The following KLF3 variants were observed in gnomAD, a reference collection of about 807,000 sequenced individuals.
KLF3 encodes the protein Krueppel-like factor 3.
A neutral mutation model predicts 32.7 loss-of-function variants in KLF3; 6 were observed. That is an observed-to-expected ratio of 0.18 (90% CI 0.10 to 0.36). KLF3 has a LOEUF of 0.36. Among genes scored for constraint, KLF3 ranks in the 10% least tolerant of loss-of-function variants. KLF3 has a pLI of 1.00. For synonymous variants in KLF3, 145 were observed against 172.8 expected, an observed-to-expected ratio of 0.84 and a Z score of 1.26; for missense variants, 338 against 449.7, an observed-to-expected ratio of 0.75 and a Z score of 2.25.
chr4:38,693,108 ATATATATAC>A (rs1722929740), intron 4 of KLF3, among the ~76,000 whole-genome samples: 5 of 47,292 alleles, frequency 1.1e-4, no homozygotes, highest in African/African-American at 4.1e-4. Context: ...ATATATGTAC[ATATATATAC>A]ATATATATAT....
At chr4:38,685,977 C>T (rs1722683894) in intron 2 of KLF3, among the ~76,000 whole-genome samples, 1 of 152,112 alleles carries the variant, frequency 6.6e-6, no homozygotes, top group Non-Finnish European at 1.5e-5. Context: ...CTATTTAATA[C>T]TTAATGTTGC....
intron 4 of KLF3, 37 bp downstream of exon 4, chr4:38,689,916 A>G: frequency 6.7e-7 from 1 of 1,489,750 alleles, no homozygotes; most frequent in Non-Finnish European, 9.0e-7. Context: ...TTTGCATAGT[A>G]GTGTGCATCT....
intron 1 of KLF3, chr4:38,664,977 C>T (rs1219580520): frequency 2.0e-5 from 3 of 149,288 alleles, no homozygotes; most frequent in Non-Finnish European, 1.5e-5. Context: ...CGTCCTTCCC[C>T]TCCCCTCCCT....
In KLF3 at chr4:38,688,562, G is replaced by A. The variant is rs138166623; in HGVS notation, c.58-23G>A. 12,462 of 1,552,562 alleles carry A rather than the reference G, an allele frequency of 8.0e-3. 78 individuals are homozygous for A. Among genetic ancestry groups the A allele is most frequent in the Non-Finnish European group, 9.4e-3 (10,752 of 1,146,720 alleles). ...AATGGACTTATTTGGCTGTTGACAC[G>A]TTTTCCTTTTCTTTTCTAATAGTCA... On this transcript the variant is annotated intron_variant, in intron 2 of 5. Transcript: ENST00000261438. This position sits in a 1 kb window ranked among gnomAD's most constrained non-coding sequence, Gnocchi z 4.9.
At chr4:38,665,932 G>T (rs1173539379) in intron 1 of KLF3, among the ~76,000 whole-genome samples, 4 of 152,182 alleles carry the variant, frequency 2.6e-5, no homozygotes, top group African/African-American at 9.7e-5. Context: ...ATTTTTTGGA[G>T]TTAGTAATAG....
At chr4:38,693,109 TATATATAC>T (rs201496061) in intron 4 of KLF3, among the ~76,000 whole-genome samples, 1 of 48,106 alleles carries the variant, frequency 2.1e-5, no homozygotes, top group Non-Finnish European at 4.5e-5. Flanking sequence ...TATATGTACA[TATATATAC>T]ATATATATAT....
Position 38,688,436 on chromosome 4 carries a change from T to C in KLF3, c.58-149T>C. On this transcript the variant is annotated intron_variant, in intron 2 of 5. Transcript: ENST00000261438. This position sits in a 1 kb window ranked among gnomAD's most constrained non-coding sequence, Gnocchi z 4.9. ...GTTGAGACCACCTCTTTGAGCATTT[T>C]TTTAAGGTCACATATATATCGAAAT... 1.3e-6 allele frequency: 1 copy of C among 757,686 alleles called. No homozygotes were observed. The highest frequency in any genetic ancestry group is 2.1e-6 in the Non-Finnish European group (1 of 487,730). 46.9% of individuals were successfully genotyped at this position (757,686 alleles called of 1,614,324 possible).
intron 4 of KLF3, among the ~76,000 whole-genome samples, chr4:38,691,744 A>T (rs552914576): frequency 1.3e-5 from 2 of 152,358 alleles, no homozygotes; most frequent in East Asian, 3.9e-4. Context: ...AAAAAACGCA[A>T]CAGATTAGCC....
intron 1 of KLF3, among the ~76,000 whole-genome samples, chr4:38,665,505 A>T (rs964851059): frequency 6.6e-6 from 1 of 152,230 alleles, no homozygotes; most frequent in African/African-American, 2.4e-5. Flanking sequence ...TGTGAATGAG[A>T]CTTATTTTTA....
chr4:38,694,485 C>T (rs916719033), intron 4 of KLF3, among the ~76,000 whole-genome samples: 17 of 152,146 alleles, frequency 1.1e-4, no homozygotes, highest in African/African-American at 3.9e-4. Context: ...GTGTGAGCTC[C>T]TCGAGGGCAG....
intron 4 of KLF3, among the ~76,000 whole-genome samples, chr4:38,693,215 C>G (rs763228278): frequency 1.3e-5 from 2 of 149,580 alleles, no homozygotes; most frequent in Non-Finnish European, 3.0e-5. Flanking sequence ...GTTCACTTTT[C>G]CATGTATCTA....
chr4:38,680,841 G>A (rs1055655319), intron 2 of KLF3, 159 bp downstream of exon 2: 14 of 532,768 alleles, frequency 2.6e-5, no homozygotes, highest in South Asian at 5.5e-5. Context: ...ACCTGAGGTC[G>A]GGAGTTTGAG....
Position 38,697,400 on chromosome 4 carries a change from T to C in KLF3, c.*137T>C, listed in dbSNP as rs1282357321. 3.9e-6 allele frequency: 3 copies of C among 769,800 alleles called. No individual in the cohort carries two copies. In the African/African-American group the frequency reaches 5.3e-5, roughly 14 times the overall value. 47.7% of individuals were successfully genotyped at this position (769,800 alleles called of 1,614,324 possible). On this transcript the variant is annotated 3_prime_UTR_variant, in exon 6 of 6. Coordinates refer to ENST00000261438, the MANE Select transcript of KLF3 (RefSeq NM_016531.6). ...GGTCTGAATCTCTGAATTTATATCA[T>C]CCAAAACTTCCATATGGTCAGTAGT...
chr4:38,697,257 A>G lies in KLF3; in HGVS notation c.1032A>G (p.Leu344=). 8 of 1,607,782 alleles carry G rather than the reference A, an allele frequency of 5.0e-6. No homozygotes were observed. The highest frequency in any genetic ancestry group is 1.7e-5 in the Admixed American group (1 of 59,212). The change falls in exon 6 of 6, where the codon CTA becomes CTG. Residue 344 remains leucine (L), a synonymous_variant. Transcript: ENST00000261438. The stretch of plus-strand genomic sequence containing the variant: ...CCCTCCATAGGAAACGCCACATGCT[A>G]GTCTGATTGCCTCTGTGTCCTGCCT... ...HLALHRKRHM[L]V is the part of the protein sequence containing the mutation.
intron 1 of KLF3, 183 bp downstream of exon 1, chr4:38,664,644 G>C (rs1296093156): frequency 6.6e-6 from 1 of 151,926 alleles, no homozygotes; most frequent in African/African-American, 2.4e-5. Flanking sequence ...TAGCCGGGGT[G>C]GGGGCGGAGA....
At position 38,694,654 on chromosome 4, in the gene KLF3, GT is replaced by G. The variant is rs1722997004; in HGVS notation, c.696-87del. 32 of 1,090,038 alleles carry G rather than the reference GT, an allele frequency of 2.9e-5. 1 individual carries two copies. In the South Asian group the frequency reaches 5.1e-4, roughly 17 times the overall value. The allele number at this position is 1,090,038 out of a possible 1,614,324, so 67.5% of individuals were successfully genotyped here. A position where few individuals can be genotyped will look rare whatever the true frequency, so the allele number is the denominator to read the frequency against. On this transcript the variant is annotated intron_variant, in intron 4 of 5. Transcript: ENST00000261438. Reference sequence around the variant, plus strand: ...TTTTGTTGGGATTTTTTGTTTGTTTGTTTTTGCCCAGTGTTGTTAATGCTTT... The same window carrying G: ...TTTTGTTGGGATTTTTTGTTTGTTTGTTTTGCCCAGTGTTGTTAATGCTTT...
At chr4:38,677,025 A>G (rs1433893867) in intron 1 of KLF3, among the ~76,000 whole-genome samples, 1 of 131,010 alleles carries the variant, frequency 7.6e-6, no homozygotes, top group African/African-American at 3.0e-5. Flanking sequence ...CAGTGGTGCT[A>G]TTTGGGCTCA....
intron 2 of KLF3, among the ~76,000 whole-genome samples, chr4:38,683,282 C>T (rs1041377215): frequency 6.6e-6 from 1 of 151,992 alleles, no homozygotes; most frequent in Non-Finnish European, 1.5e-5. Flanking sequence ...TATTTCTCCC[C>T]CTCTTCCCAC....
At chr4:38,668,433 T>G (rs181941160) in intron 1 of KLF3, among the ~76,000 whole-genome samples, 1 of 152,142 alleles carries the variant, frequency 6.6e-6, no homozygotes, top group Non-Finnish European at 1.5e-5. Context: ...CCAAAATTGA[T>G]GATAATGGTG....
Sources: allele counts gnomAD v4.1 joint callset (sites outside exome capture counted in the v4.1 genomes callset), GRCh38; gene constraint gnomAD v4.1.1; non-coding constraint Gnocchi (gnomAD v3.1); transcripts MANE v1.5; gene names NCBI Gene and HGNC (gene_info 2026-07-23, HGNC 2026-07-21).